Variants in NTRK2 observed in about 807,000 individuals in gnomAD.
The protein encoded by NTRK2 is BDNF/NT-3 growth factors receptor.
NTRK2 carries 13 observed loss-of-function variants against 94.5 expected under a neutral mutation model. That is an observed-to-expected ratio of 0.14 (90% CI 0.09 to 0.22). NTRK2 has a LOEUF of 0.22. NTRK2 is among the 10% of genes least tolerant of loss of function. The pLI is 1.00. For synonymous variants in NTRK2, 372 were observed against 407.4 expected (o/e 0.91, Z 1.05); for missense variants, 639 against 1,071.2 (o/e 0.60, Z 5.63).
intron 11 of NTRK2, among the ~76,000 whole-genome samples, chr9:84,750,533 G>T (rs2064494390): frequency 6.6e-6 from 1 of 152,224 alleles, no homozygotes; most frequent in African/African-American, 2.4e-5. Context: ...AGAAATCTCA[G>T]AGCAGGCATT....
rs142194655 is a variant in NTRK2, at chr9:84,964,510, G to A, written c.2172+8993G>A. 2.7e-3 allele frequency among the ~76,000 whole-genome samples: 413 copies of A among 152,306 alleles called. 1 individual carries two copies. Among genetic ancestry groups the A allele is most frequent in the Non-Finnish European group, 4.3e-3 (294 of 68,030 alleles). On this transcript the variant is annotated intron_variant, in intron 17 of 18. Transcript: ENST00000277120. ...ACATGCACGCACTGATCAGAACTCAGCTCGGTATTCAACGGGCATCCTCTG... is the reference window on the plus strand; with the variant it reads ...ACATGCACGCACTGATCAGAACTCAACTCGGTATTCAACGGGCATCCTCTG...
At chr9:85,008,905 G>C (rs1169477511) in intron 17 of NTRK2, among the ~76,000 whole-genome samples, 1 of 152,230 alleles carries the variant, frequency 6.6e-6, no homozygotes. Flanking sequence ...TGTTCTCCAA[G>C]GGAAACATCA....
chr9:84,796,361 T>C (rs2069327235), intron 12 of NTRK2, among the ~76,000 whole-genome samples: 1 of 152,156 alleles, frequency 6.6e-6, no homozygotes, highest in Non-Finnish European at 1.5e-5. Flanking sequence ...AATTCAAGAT[T>C]AGAAGATCCT....
At chr9:84,751,021 C>T (rs924313820) in intron 11 of NTRK2, among the ~76,000 whole-genome samples, 2 of 152,132 alleles carry the variant, frequency 1.3e-5, no homozygotes, top group African/African-American at 4.8e-5. Flanking sequence ...TTTAAACTTA[C>T]TTAAACATTT....
intron 2 of NTRK2, among the ~76,000 whole-genome samples, chr9:84,700,810 A>T (rs2060672813): frequency 6.6e-6 from 1 of 152,110 alleles, no homozygotes; most frequent in Admixed American, 6.5e-5. Context: ...TATGTTATAT[A>T]TCTTAAATTT....
In NTRK2 at chr9:84,875,076, A is replaced by C. The variant is rs1470911050; in HGVS notation, c.1633+7645A>C. The C allele has an allele frequency of 1.0e-5, 11 of 1,060,432 alleles. No individual in the cohort carries two copies. The African/African-American group carries it at 1.8e-4, about 17-fold the overall frequency. The allele number at this position is 1,060,432 out of a possible 1,614,324, so 65.7% of individuals were successfully genotyped here. ...CCATGTAATTCCACCAGTTAGAGTTAACCACTGATATCGTTTGGATATATG... is the reference window on the plus strand; with the variant it reads ...CCATGTAATTCCACCAGTTAGAGTTCACCACTGATATCGTTTGGATATATG... On this transcript the variant is annotated intron_variant, in intron 14 of 18. Transcript: ENST00000277120.
At chr9:84,693,463 C>A (rs1216910267) in intron 2 of NTRK2, among the ~76,000 whole-genome samples, 2 of 152,076 alleles carry the variant, frequency 1.3e-5, no homozygotes, top group Admixed American at 6.5e-5. Context: ...GAGAGAAATA[C>A]AGAGTGTAAT....
intron 17 of NTRK2, among the ~76,000 whole-genome samples, chr9:84,996,184 A>G (rs965021243): frequency 1.3e-5 from 2 of 152,214 alleles, no homozygotes; most frequent in African/African-American, 4.8e-5. Context: ...TGAAATATTA[A>G]CCTCGGGAAA....
intron 14 of NTRK2, among the ~76,000 whole-genome samples, chr9:84,917,473 T>C (rs2077428774): frequency 6.6e-6 from 1 of 152,084 alleles, no homozygotes; most frequent in Admixed American, 6.5e-5. Context: ...TAATGTTCAG[T>C]TGTAAGGGAG....
At chr9:84,920,527 GC>G (rs1294063437) in intron 14 of NTRK2, among the ~76,000 whole-genome samples, 2 of 152,112 alleles carry the variant, frequency 1.3e-5, no homozygotes, top group Non-Finnish European at 2.9e-5. Context: ...GCACCTGCTG[GC>G]CCCAAGCCTG....
intron 12 of NTRK2, among the ~76,000 whole-genome samples, chr9:84,802,172 A>AT (rs1251657635): frequency 6.6e-5 from 10 of 152,082 alleles, no homozygotes; most frequent in South Asian, 2.1e-4. Flanking sequence ...TCTAAAATGC[A>AT]TTTTTTTTCC....
At chr9:84,788,422 G>T (rs370719528) in intron 12 of NTRK2, among the ~76,000 whole-genome samples, 59 of 152,308 alleles carry the variant, frequency 3.9e-4, no homozygotes, top group African/African-American at 1.1e-3. Flanking sequence ...TGGTGAGTTT[G>T]CTGAAAAGCA....
rs1470777504 is a variant in NTRK2 at position 84,870,364 on chromosome 9, T to TATATAA, written c.1633+2934_1633+2935insTATAAA. Among the ~76,000 whole-genome samples, 96 of 131,678 alleles carry TATATAA rather than the reference T, an allele frequency of 7.3e-4. No individual in the cohort carries two copies. The South Asian group carries it at 8.3e-3, about 11-fold the overall frequency. 86.4% of individuals were successfully genotyped at this position (131,678 alleles called of 152,430 possible). A position where few individuals can be genotyped will look rare whatever the true frequency, so the allele number is the denominator to read the frequency against. ...ATATATATATATATATATATATATATAAAACTCTGTCACCCAGGCTGGAGT... is the reference window on the plus strand; with the variant it reads ...ATATATATATATATATATATATATATATATAAAAAACTCTGTCACCCAGGCTGGAGT... On this transcript the variant is annotated intron_variant, in intron 14 of 18. Transcript: ENST00000277120.
chr9:84,718,045 T>C (rs1294916084), intron 6 of NTRK2, among the ~76,000 whole-genome samples: 1 of 80,002 alleles, frequency 1.2e-5, no homozygotes, highest in Non-Finnish European at 2.3e-5. Context: ...CTCTTCTTCC[T>C]CCTCTTCTTC....
intron 14 of NTRK2, among the ~76,000 whole-genome samples, chr9:84,929,814 G>A (rs578029419): frequency 2.6e-5 from 4 of 152,146 alleles, no homozygotes; most frequent in Admixed American, 2.6e-4. Flanking sequence ...AGCCCACCTC[G>A]GCCTCCCAAA....
chr9:84,861,016 T>C, intron 12 of NTRK2, 24 bp from the exon 13 acceptor site: 1 of 1,610,508 alleles, frequency 6.2e-7, no homozygotes, highest in Non-Finnish European at 8.5e-7. Flanking sequence ...CGAAGTTTAT[T>C]TTATGTTTTG....
chr9:84,773,607 T>C (rs1182279397), intron 12 of NTRK2, among the ~76,000 whole-genome samples: 1 of 152,198 alleles, frequency 6.6e-6, no homozygotes, highest in East Asian at 1.9e-4. Flanking sequence ...AAATGAAAAC[T>C]ATATTTATCA....
intron 17 of NTRK2, among the ~76,000 whole-genome samples, chr9:85,011,576 A>C (rs992604406): frequency 6.6e-6 from 1 of 152,170 alleles, no homozygotes; most frequent in Non-Finnish European, 1.5e-5. Flanking sequence ...CCTCCATGTG[A>C]GGGCAAAGCA....
intron 13 of NTRK2, among the ~76,000 whole-genome samples, chr9:84,862,619 T>G (rs937054438): frequency 2.6e-5 from 4 of 152,176 alleles, no homozygotes; most frequent in Non-Finnish European, 5.9e-5. Flanking sequence ...TTTTTCAAGT[T>G]TGGTGAGACC....
Sources: gnomAD v4.1 joint callset for allele counts (sites outside exome capture counted in the v4.1 genomes callset) on GRCh38, gnomAD v4.1.1 for gene constraint, MANE v1.5 for transcripts, NCBI Gene and HGNC (gene_info 2026-07-23, HGNC 2026-07-21) for gene names.